CACNA1E: variants seen among roughly 807,000 people sequenced by gnomAD.
CACNA1E encodes voltage-dependent R-type calcium channel subunit alpha-1E.
CACNA1E carries 40 observed loss-of-function variants against 259.2 expected under a neutral mutation model. The ratio of observed to expected loss-of-function variants is 0.15; its 90% CI spans 0.12 to 0.20. The LOEUF (loss-of-function observed/expected upper bound fraction) is 0.20. Ranked by LOEUF, CACNA1E falls within the 10% of genes least tolerant of loss-of-function variation. The pLI is 1.00. For missense variants in CACNA1E, 1,874 were observed against 3,040.1 expected (o/e 0.62, Z 9.02); for synonymous variants, 1,104 against 1,138.5 (o/e 0.97, Z 0.61).
chr1:181,674,355 T>C (rs1184185407), intron 7 of CACNA1E, among the ~76,000 whole-genome samples: 1 of 127,578 alleles, frequency 7.8e-6, no homozygotes, highest in Admixed American at 9.9e-5. Context: ...ATCGCGCCAC[T>C]GTGCACTCCA....
chr1:181,642,825 G>GC (rs2102012686), intron 6 of CACNA1E, among the ~76,000 whole-genome samples: 1 of 152,286 alleles, frequency 6.6e-6, no homozygotes, highest in African/African-American at 2.4e-5. Context: ...CTCCATCCTG[G>GC]CCCCCCAGAG....
Position 181,483,603 on chromosome 1 carries a change from C to T in CACNA1E, c.-142C>T. The T allele has an allele frequency of 2.0e-6, 1 of 490,472 alleles. No homozygotes were observed. The allele number at this position is 490,472 out of a possible 1,614,324, so 30.4% of individuals were successfully genotyped here. ...CTGCTGCTGCTGCCTCTCCGAAGAG[C>T]TCGCGGAGCTCCCCAGAGGCGGTGG... On this transcript the variant is annotated 5_prime_UTR_variant, in exon 1 of 48. Transcript: ENST00000367573.
intron 12 of CACNA1E, among the ~76,000 whole-genome samples, chr1:181,718,393 C>T (rs1654101837): frequency 6.6e-6 from 1 of 151,992 alleles, no homozygotes; most frequent in Non-Finnish European, 1.5e-5. Flanking sequence ...TAAAATGTAA[C>T]ACATACATTA....
chr1:181,738,168 A>G (rs145295166), intron 23 of CACNA1E, among the ~76,000 whole-genome samples, 199 bp from the exon 24 acceptor site: 1 of 152,348 alleles, frequency 6.6e-6, no homozygotes, highest in African/African-American at 2.4e-5. Context: ...ACATGGCTCC[A>G]GCAGGGCCCA....
intron 7 of CACNA1E, among the ~76,000 whole-genome samples, chr1:181,689,714 T>G (rs1301321180): frequency 6.6e-6 from 1 of 152,270 alleles, no homozygotes; most frequent in Non-Finnish European, 1.5e-5. Context: ...TGATTTGTAT[T>G]TATCTAATGA....
At chr1:181,728,120 C>T (rs531498125) in intron 18 of CACNA1E, among the ~76,000 whole-genome samples, 39 of 152,242 alleles carry the variant, frequency 2.6e-4, no homozygotes, top group African/African-American at 9.2e-4. Flanking sequence ...ATTTCTACTC[C>T]ACCTTCCCTG....
chr1:181,497,032 C>T (rs1375304812), intron 1 of CACNA1E, among the ~76,000 whole-genome samples: 6 of 151,988 alleles, frequency 3.9e-5, no homozygotes, highest in Non-Finnish European at 8.8e-5. Flanking sequence ...TATGTCAATC[C>T]GAGGATCTGG....
At chr1:181,720,746 T>G (rs1407029707) in intron 14 of CACNA1E, 37 bp from the exon 15 acceptor site, 4 of 1,265,544 alleles carry the variant, frequency 3.2e-6, no homozygotes, top group Non-Finnish European at 4.6e-6. Context: ...GTATGTGAGA[T>G]TTTCATTTCA....
intron 7 of CACNA1E, among the ~76,000 whole-genome samples, chr1:181,673,453 AT>A (rs1487962061): frequency 6.6e-6 from 1 of 152,218 alleles, no homozygotes; most frequent in Non-Finnish European, 1.5e-5. Flanking sequence ...CCGAGGGGAT[AT>A]GGGGTGGCAT....
chr1:181,598,258 G>T (rs1653396203), intron 6 of CACNA1E, among the ~76,000 whole-genome samples: 1 of 152,198 alleles, frequency 6.6e-6, no homozygotes, highest in Non-Finnish European at 1.5e-5. Context: ...AAGAGCTTTT[G>T]CTCCTGCCCT....
In CACNA1E at chr1:181,725,846, G is replaced by C. The variant is rs565258470; in HGVS notation, c.2143-219G>C. 2.0e-5 allele frequency among the ~76,000 whole-genome samples: 3 copies of C among 152,356 alleles called. No individual in the cohort carries two copies. The South Asian group carries it at 6.2e-4, about 32-fold the overall frequency. ...CTCCAGGATGGAGACAGGGATTGCT[G>C]GCCACGCTATAGCTGTGAGACTACT... On this transcript the variant is annotated intron_variant, in intron 17 of 47. Transcript: ENST00000367573.
rs902375712 is a variant in CACNA1E at position 181,785,931 on chromosome 1, C to T, written c.5786+112C>T. On this transcript the variant is annotated intron_variant, in intron 43 of 47. Coordinates refer to ENST00000367573, the MANE Select transcript of CACNA1E (RefSeq NM_001205293.3). The stretch of plus-strand genomic sequence containing the variant: ...AGGGCCCAAGAACAAATACTCTGAG[C>T]TTGAGTGATCCTTTTTCTGAAGTTG... The T allele has an allele frequency of 4.4e-6, 3 of 680,262 alleles. No homozygotes were observed. In the East Asian group the frequency reaches 8.0e-5, roughly 18 times the overall value. 42.1% of individuals were successfully genotyped at this position (680,262 alleles called of 1,614,324 possible).
chr1:181,768,480 G>A (rs1659215094), intron 35 of CACNA1E, among the ~76,000 whole-genome samples: 1 of 152,202 alleles, frequency 6.6e-6, no homozygotes, highest in Non-Finnish European at 1.5e-5. Context: ...CAGACAGTAA[G>A]TGAAAGAGGT....
intron 3 of CACNA1E, among the ~76,000 whole-genome samples, chr1:181,552,332 T>C (rs1648260008): frequency 6.6e-6 from 1 of 152,208 alleles, no homozygotes. Context: ...TTTGATTTTG[T>C]CATCTAAGCT....
chr1:181,467,769 G>A (rs767002286), intron 2 of CACNA1E, among the ~76,000 whole-genome samples: 4 of 152,172 alleles, frequency 2.6e-5, no homozygotes, highest in Non-Finnish European at 1.5e-5. Flanking sequence ...TGATGTTGAT[G>A]AGTCCTATGA....
chr1:181,716,978 A>G, intron 10 of CACNA1E, 115 bp from the exon 11 acceptor site: 2 of 783,962 alleles, frequency 2.6e-6, no homozygotes, highest in African/African-American at 1.7e-5. Flanking sequence ...CACACCTGCA[A>G]TGTGGCAGTC....
At chr1:181,588,147 G>A (rs774427932) in intron 6 of CACNA1E, among the ~76,000 whole-genome samples, 6 of 152,214 alleles carry the variant, frequency 3.9e-5, no homozygotes, top group African/African-American at 7.2e-5. Context: ...CACTCCCAGG[G>A]TGTCTGGTCC....
chr1:181,445,887 A>T (rs1490750492), intron 2 of CACNA1E, among the ~76,000 whole-genome samples: 3 of 152,212 alleles, frequency 2.0e-5, no homozygotes, highest in Non-Finnish European at 4.4e-5. Flanking sequence ...GGTTCAAAAG[A>T]ATCCCCAGCA....
At chr1:181,731,614 G>A (rs1209590206) in intron 19 of CACNA1E, among the ~76,000 whole-genome samples, 3 of 152,220 alleles carry the variant, frequency 2.0e-5, no homozygotes, top group South Asian at 2.1e-4. Context: ...GCGCCCACAG[G>A]CACAGGCTCA....
Sources: allele counts gnomAD v4.1 joint callset (sites outside exome capture counted in the v4.1 genomes callset), GRCh38; gene constraint gnomAD v4.1.1; transcripts MANE v1.5; gene names NCBI Gene and HGNC (gene_info 2026-07-23, HGNC 2026-07-21).